The following TJP2 variants were observed in gnomAD, a reference collection of about 807,000 sequenced individuals.
TJP2 encodes tight junction protein 2.
In TJP2, 91 loss-of-function variants were observed where a neutral mutation model predicts 133.1. That is an observed-to-expected ratio of 0.68 (90% confidence interval 0.58 to 0.81). TJP2 has a LOEUF of 0.81. TJP2 is among the 40% of genes least tolerant of loss of function. The pLI, the probability that TJP2 is intolerant of heterozygous loss-of-function variation, is 0.00. For synonymous variants in TJP2, 592 were observed against 583.4 expected, an observed-to-expected ratio of 1.01 and a Z score of -0.21; for missense variants, 1,541 against 1,565.6, an observed-to-expected ratio of 0.98 and a Z score of 0.26.
intron 1 of TJP2, among the ~76,000 whole-genome samples, chr9:69,199,996 CT>C (rs1564429059): frequency 2.0e-5 from 3 of 152,138 alleles, no homozygotes; most frequent in African/African-American, 7.2e-5. Context: ...ATGTTAATGA[CT>C]TCCTTCCTCT....
chr9:69,231,943 A>G, intron 11 of TJP2, among the ~76,000 whole-genome samples: 1 of 152,224 alleles, frequency 6.6e-6, no homozygotes, highest in Non-Finnish European at 1.5e-5. Context: ...GCTTTTGCTC[A>G]TTAAGGTTCA....
At chr9:69,121,559 C>T (rs942667699) in exon 1 of TJP2, 1 of 166,546 alleles carries the variant, frequency 6.0e-6, no homozygotes, top group Non-Finnish European at 1.2e-5. Flanking sequence ...CGGGGAGCTT[C>T]CCGCACTCCG....
chr9:69,146,887 T>C (rs887718470), intron 1 of TJP2, among the ~76,000 whole-genome samples: 5 of 152,192 alleles, frequency 3.3e-5, no homozygotes, highest in African/African-American at 1.2e-4. Flanking sequence ...AGACATTTGA[T>C]TTAGATAGGT....
intron 2 of TJP2, among the ~76,000 whole-genome samples, chr9:69,155,443 A>G (rs1281703962): frequency 6.6e-6 from 1 of 152,216 alleles, no homozygotes; most frequent in Non-Finnish European, 1.5e-5. Flanking sequence ...GCACATCGGT[A>G]TCGCCTGGAG....
chr9:69,251,484 G>A, intron 21 of TJP2, 120 bp downstream of exon 21: 1 of 1,068,480 alleles, frequency 9.4e-7, no homozygotes, highest in Non-Finnish European at 1.4e-6. Flanking sequence ...TGCACCAAAG[G>A]CAGGTGCTGT....
At position 69,221,340 on chromosome 9, in the gene TJP2, A is replaced by C; in HGVS notation, c.796A>C (p.Ser266Arg). 6.3e-7 allele frequency: 1 copy of C among 1,592,616 alleles called. No individual in the cohort carries two copies. The highest frequency in any genetic ancestry group is 1.7e-4 in the Middle Eastern group (1 of 6,026). The change falls in exon 5 of 23, where the codon AGC (serine) becomes CGC (arginine). Residue 266 changes from serine to arginine, a missense_variant. Physicochemically the swap from Ser to Arg is moderately radical, Grantham distance 110. Coordinates refer to ENST00000377245, the MANE Select transcript of TJP2 (RefSeq NM_004817.4). Reference protein sequence around the residue: ...AYDPDYERAYSPEYRRGARHD... With the variant: ...AYDPDYERAYRPEYRRGARHD... ...CGACCCAGACTACGAGCGGGCCTACAGCCCGGAGTACAGGCGCGGGGCCCG... is the reference window on the plus strand; with the variant it reads ...CGACCCAGACTACGAGCGGGCCTACCGCCCGGAGTACAGGCGCGGGGCCCG...
chr9:69,217,369 G>T (rs955578050), intron 3 of TJP2, among the ~76,000 whole-genome samples: 2 of 152,190 alleles, frequency 1.3e-5, no homozygotes, highest in Non-Finnish European at 2.9e-5. Flanking sequence ...TAACTGTATG[G>T]CTGCATTGGA....
Position 69,221,138 on chromosome 9 carries a change from C to T in TJP2, c.594C>T (p.Gly198=), listed in dbSNP as rs758435948. ...ERDLSRDRSR[G]RSLERGLDQD... ...ACCTCAGCCGGGACCGGAGCCGTGGCCGGAGCCTGGAGCGGGGCCTGGACC... is the reference window on the plus strand; with the variant it reads ...ACCTCAGCCGGGACCGGAGCCGTGGTCGGAGCCTGGAGCGGGGCCTGGACC... Residue 198 remains glycine, a synonymous_variant, in exon 5 of 23, where the codon GGC becomes GGT. Transcript: ENST00000377245. 1 of 1,591,322 alleles carries T rather than the reference C, an allele frequency of 6.3e-7. No individual in the cohort carries two copies. The highest frequency in any genetic ancestry group is 8.6e-7 in the Non-Finnish European group (1 of 1,169,366).
At chr9:69,174,468 G>GGAC in intron 1 of TJP2, 36 bp downstream of exon 1, 1 of 1,525,792 alleles carries the variant, frequency 6.6e-7, no homozygotes, top group South Asian at 1.2e-5. Context: ...TTGGGAGGAG[G>GGAC]GTCGTGAGCG....
intron 1 of TJP2, among the ~76,000 whole-genome samples, chr9:69,196,935 G>A (rs1313235250): frequency 1.2e-4 from 8 of 64,470 alleles, no homozygotes; most frequent in African/African-American, 2.3e-4. Context: ...ATATGTGTGT[G>A]TGTGTGTGTG....
At chr9:69,122,569 T>G (rs1316310011) in intron 1 of TJP2, among the ~76,000 whole-genome samples, 1 of 152,234 alleles carries the variant, frequency 6.6e-6, no homozygotes, top group Non-Finnish European at 1.5e-5. Context: ...AGGGCTGCAT[T>G]GCAAGGTTCT....
In TJP2 at chr9:69,229,337, C is replaced by T. The variant is rs1489655895; in HGVS notation, c.1520+87C>T. 5 of 1,375,634 alleles carry T rather than the reference C, an allele frequency of 3.6e-6. No individual in the cohort carries two copies. In the South Asian group the frequency reaches 5.8e-5, roughly 16 times the overall value. 85.2% of individuals were successfully genotyped at this position (1,375,634 alleles called of 1,614,324 possible). On this transcript the variant is annotated intron_variant, in intron 10 of 22. Coordinates refer to ENST00000377245, the MANE Select transcript of TJP2 (RefSeq NM_004817.4). The stretch of plus-strand genomic sequence containing the variant: ...AATCCAGAAGAGTGGTGGTTTTTGC[C>T]TAGATGGTGATTTTGTACACTGTCA...
chr9:69,174,194 G>GGCTGAC (rs1824872076), upstream of TJP2: 1 of 1,393,836 alleles, frequency 7.2e-7, no homozygotes, highest in Non-Finnish European at 9.3e-7. Flanking sequence ...GTCGGGGGCG[G>GGCTGAC]GCTGACGCCG....
At chr9:69,197,069 A>G (rs1168707503) in intron 1 of TJP2, among the ~76,000 whole-genome samples, 1 of 151,798 alleles carries the variant, frequency 6.6e-6, no homozygotes, top group African/African-American at 2.4e-5. Context: ...CCCCAGTTCA[A>G]GTGATTATCC....
chr9:69,129,128 A>C (rs1182729506), intron 1 of TJP2, among the ~76,000 whole-genome samples: 1 of 152,242 alleles, frequency 6.6e-6, no homozygotes, highest in Non-Finnish European at 1.5e-5. Flanking sequence ...TTTAATGTCC[A>C]TGAAAATAAT....
chr9:69,172,436 G>C (rs1824740163), upstream of TJP2, among the ~76,000 whole-genome samples: 2 of 152,222 alleles, frequency 1.3e-5, no homozygotes. Context: ...CTGAGCCCTT[G>C]AAATGAGACA....
At chr9:69,175,272 C>T (rs1464492660) in intron 1 of TJP2, among the ~76,000 whole-genome samples, 1 of 152,146 alleles carries the variant, frequency 6.6e-6, no homozygotes, top group Non-Finnish European at 1.5e-5. Context: ...AAGTTCCCAG[C>T]GGAGAGTCAT....
In TJP2 at chr9:69,177,475, A is replaced by G. The variant is rs141723195; in HGVS notation, c.60+3043A>G. On this transcript the variant is annotated intron_variant, in intron 1 of 22. Transcript: ENST00000377245. Reference sequence around the variant, plus strand: ...GTTTCTCCCTCATAGGAATTTTTGCAATCAGCCTTTTTAGTAGATGCCCAT... The same window carrying G: ...GTTTCTCCCTCATAGGAATTTTTGCGATCAGCCTTTTTAGTAGATGCCCAT... 6.1e-3 allele frequency among the ~76,000 whole-genome samples: 936 copies of G among 152,308 alleles called. 6 individuals are homozygous for G. Among genetic ancestry groups the G allele is most frequent in the Non-Finnish European group, 9.4e-3 (636 of 68,020 alleles).
At position 69,238,731 on chromosome 9, in the gene TJP2, G is replaced by A; in HGVS notation, c.2297G>A (p.Gly766Glu). 1 of 1,613,968 alleles carries A rather than the reference G, an allele frequency of 6.2e-7. No homozygotes were observed. Among genetic ancestry groups the A allele is most frequent in the Non-Finnish European group, 8.5e-7 (1 of 1,179,912 alleles). The change falls in exon 16 of 23, where the codon GGA (glycine) becomes GAA (glutamate). Residue 766 changes from glycine (G) to glutamate (E), a missense_variant. Gly to Glu is a moderately conservative substitution (Grantham distance 98). Coordinates refer to ENST00000377245, the MANE Select transcript of TJP2 (RefSeq NM_004817.4). The stretch of plus-strand genomic sequence containing the variant: ...GCAGAAACGGAACCAAAAGATGCAG[G>A]ATCTGAGAAATCCACTGGAGTGGTC... ...QTAKTEPKDA[G>E]SEKSTGVVRL...
Sources: allele counts gnomAD v4.1 joint callset (sites outside exome capture counted in the v4.1 genomes callset), GRCh38; gene constraint gnomAD v4.1.1; transcripts MANE v1.5; gene names NCBI Gene and HGNC (gene_info 2026-07-23, HGNC 2026-07-21).